WDR41: variants seen among roughly 807,000 people sequenced by gnomAD.
WDR41 encodes WD repeat-containing protein 41.
In WDR41, 63 loss-of-function variants were observed where a neutral mutation model predicts 69.3. The ratio of observed to expected loss-of-function variants is 0.91; its 90% CI spans 0.74 to 1.12. The LOEUF is 1.12. Among genes scored for constraint, WDR41 ranks in the 50% most tolerant of loss-of-function variants. The pLI is 0.00. For synonymous variants in WDR41, 185 were observed against 192.1 expected, an observed-to-expected ratio of 0.96 and a Z score of 0.31; for missense variants, 543 against 534.5, an observed-to-expected ratio of 1.02 and a Z score of -0.16.
chr5:77,489,338 C>G, intron 2 of WDR41, 119 bp downstream of exon 2: 1 of 519,436 alleles, frequency 1.9e-6, no homozygotes, highest in African/African-American at 2.0e-5. Context: ...CTAAATGTTA[C>G]TAATGATCAC....
intron 2 of WDR41, among the ~76,000 whole-genome samples, chr5:77,468,750 C>T (rs1261041858): frequency 6.6e-6 from 1 of 152,102 alleles, no homozygotes; most frequent in Admixed American, 6.6e-5. Flanking sequence ...TACAGGCACC[C>T]CAGTGGTTAA....
intron 1 of WDR41, among the ~76,000 whole-genome samples, chr5:77,524,909 G>A (rs954401745): frequency 6.6e-6 from 1 of 152,188 alleles, no homozygotes; most frequent in African/African-American, 2.4e-5. Flanking sequence ...AAATATATCT[G>A]AATTTGTTTT....
intron 1 of WDR41, among the ~76,000 whole-genome samples, chr5:77,505,910 G>A (rs1318478873): frequency 6.6e-6 from 1 of 152,180 alleles, no homozygotes; most frequent in Non-Finnish European, 1.5e-5. Context: ...AGACTTATAT[G>A]TTAGACCTAA....
chr5:77,445,376 T>C (rs1799340429), intron 8 of WDR41, among the ~76,000 whole-genome samples: 1 of 152,190 alleles, frequency 6.6e-6, no homozygotes, highest in Non-Finnish European at 1.5e-5. Flanking sequence ...CCATTCCTTG[T>C]GAAACTATTC....
intron 5 of WDR41, among the ~76,000 whole-genome samples, chr5:77,458,550 G>A (rs1342880534): frequency 6.6e-6 from 1 of 152,094 alleles, no homozygotes; most frequent in Non-Finnish European, 1.5e-5. Context: ...AAACGTAGCA[G>A]AGCTTCTGTC....
intron 8 of WDR41, among the ~76,000 whole-genome samples, chr5:77,445,901 A>G (rs754195315): frequency 2.0e-5 from 3 of 152,196 alleles, no homozygotes; most frequent in Non-Finnish European, 4.4e-5. Context: ...CCTATTCAAC[A>G]TAGTGTTGGA....
chr5:77,431,055 GACA>G lies in WDR41; in HGVS notation c.*2077_*2079del, dbSNP rs1324767327. The G allele has an allele frequency of 2.6e-5, 4 of 152,190 alleles. No homozygotes were observed. The highest frequency in any genetic ancestry group is 9.7e-5 in the African/African-American group (4 of 41,434). 9.4% of individuals were successfully genotyped at this position (152,190 alleles called of 1,614,324 possible). Reference sequence around the variant, plus strand: ...AAGATGCTGTAAACATAGTTGAAATGACAACAAAGGATTTAGAATATTCTATAA... The same window carrying G: ...AAGATGCTGTAAACATAGTTGAAATGACAAAGGATTTAGAATATTCTATAA... On this transcript the variant is annotated 3_prime_UTR_variant, in exon 13 of 13. Coordinates refer to ENST00000296679, the MANE Select transcript of WDR41 (RefSeq NM_018268.4).
rs1800291055 is a variant in WDR41, at chr5:77,466,026, TA to T, written c.168-1218del. Among the ~76,000 whole-genome samples, 2 of 152,020 alleles carry T rather than the reference TA, an allele frequency of 1.3e-5. 1 individual carries two copies. Among genetic ancestry groups the T allele is most frequent in the African/African-American group, 4.8e-5 (2 of 41,444 alleles). On this transcript the variant is annotated intron_variant, in intron 2 of 12. Transcript: ENST00000296679. ...ATCCTTTGAGTACATCTACTACTGG[TA>T]GAACCAAGATTATTCAGGAGACATG...
At chr5:77,476,187 C>A (rs370979754) in intron 2 of WDR41, among the ~76,000 whole-genome samples, 2 of 152,144 alleles carry the variant, frequency 1.3e-5, no homozygotes, top group East Asian at 1.9e-4. Flanking sequence ...AAGACCAAAT[C>A]TACGTCTGAC....
chr5:77,601,403 T>C (rs1744321038), intron 1 of WDR41, among the ~76,000 whole-genome samples: 1 of 152,168 alleles, frequency 6.6e-6, no homozygotes, highest in East Asian at 1.9e-4. Context: ...AGAGGGATAA[T>C]AGCATAGTAT....
intron 1 of WDR41, among the ~76,000 whole-genome samples, chr5:77,497,747 A>T (rs559976036): frequency 3.3e-5 from 5 of 152,320 alleles, no homozygotes; most frequent in African/African-American, 1.2e-4. Flanking sequence ...ACCTCTAGGC[A>T]TATATCTACA....
At chr5:77,436,624 G>C (rs1798945616) in intron 11 of WDR41, among the ~76,000 whole-genome samples, 1 of 152,090 alleles carries the variant, frequency 6.6e-6, no homozygotes, top group Admixed American at 6.6e-5. Flanking sequence ...CACTGGTGCA[G>C]GTATATTAAC....
At chr5:77,558,094 T>TAAAAAAAAAA (rs71608105) in intron 1 of WDR41, among the ~76,000 whole-genome samples, 24 of 104,276 alleles carry the variant, frequency 2.3e-4, no homozygotes, top group East Asian at 1.2e-3. Context: ...ATGTTCTTTT[T>TAAAAAAAAAA]AAAAAAAAAA....
intron 1 of WDR41, among the ~76,000 whole-genome samples, chr5:77,612,336 AC>A (rs1580053203): frequency 6.6e-6 from 1 of 152,132 alleles, no homozygotes; most frequent in Admixed American, 6.5e-5. Flanking sequence ...CAGAGACACA[AC>A]CAAAAAAGAG....
intron 1 of WDR41, among the ~76,000 whole-genome samples, chr5:77,552,435 A>G (rs899119312): frequency 6.6e-6 from 1 of 152,192 alleles, no homozygotes; most frequent in Non-Finnish European, 1.5e-5. Flanking sequence ...GAACTGGAAG[A>G]CTCAGTTTAG....
At chr5:77,497,616 T>A (rs1246557962) in intron 1 of WDR41, among the ~76,000 whole-genome samples, 1 of 152,164 alleles carries the variant, frequency 6.6e-6, no homozygotes, top group South Asian at 2.1e-4. Context: ...GATAGGGATA[T>A]GGAGAAATTG....
At chr5:77,481,676 T>C (rs1801269570) in intron 2 of WDR41, among the ~76,000 whole-genome samples, 1 of 151,116 alleles carries the variant, frequency 6.6e-6, no homozygotes, top group Admixed American at 6.6e-5. Context: ...TCCCAGCTAC[T>C]CGGGAGGCTG....
chr5:77,541,752 C>A (rs1743092464), intron 1 of WDR41, among the ~76,000 whole-genome samples: 1 of 152,100 alleles, frequency 6.6e-6, no homozygotes. Context: ...CTTGGCCTCC[C>A]AAAGTGTTGG....
rs71606301 is a variant in WDR41 at position 77,512,745 on chromosome 5, C to CAA, written c.43-23175_43-23174dup. Among the ~76,000 whole-genome samples the CAA allele has an allele frequency of 2.2e-3, 161 of 74,000 alleles. 2 individuals are homozygous for CAA. Among genetic ancestry groups the CAA allele is most frequent in the African/African-American group, 3.5e-3 (72 of 20,798 alleles). The allele number at this position is 74,000 out of a possible 152,430, so 48.5% of individuals were successfully genotyped here. On this transcript the variant is annotated intron_variant, in intron 1 of 5. Transcript: ENST00000509971. Reference sequence around the variant, plus strand: ...TGGCGAGAGAGCGAAGACTCCATCTCAAAAAAAAAAAAAAAAAAAAATTGG... The same window carrying CAA: ...TGGCGAGAGAGCGAAGACTCCATCTCAAAAAAAAAAAAAAAAAAAAAAATTGG...
Sources: gnomAD v4.1 joint callset for allele counts (sites outside exome capture counted in the v4.1 genomes callset) on GRCh38, gnomAD v4.1.1 for gene constraint, MANE v1.5 for transcripts, NCBI Gene and HGNC (gene_info 2026-07-23, HGNC 2026-07-21) for gene names.